SLC35D1: variants seen among roughly 807,000 people sequenced by gnomAD.
The protein encoded by SLC35D1 is solute carrier family 35 member D1.
SLC35D1 carries 31 observed loss-of-function variants against 46.7 expected under a neutral mutation model. The ratio of observed to expected loss-of-function variants is 0.66; its 90% CI spans 0.50 to 0.90. SLC35D1 has a LOEUF of 0.90. Among genes scored for constraint, SLC35D1 ranks in the 40% least tolerant of loss-of-function variants. The probability of loss-of-function intolerance (pLI) is 0.00; values close to 1 mark genes in which losing one functional copy is unlikely to be tolerated. For missense variants in SLC35D1, 397 were observed against 426.2 expected, an observed-to-expected ratio of 0.93 and a Z score of 0.60; for synonymous variants, 195 against 164.6, an observed-to-expected ratio of 1.18 and a Z score of -1.41.
downstream of SLC35D1, among the ~76,000 whole-genome samples, chr1:66,995,993 G>GA (rs1667235399): frequency 1.3e-5 from 2 of 152,156 alleles, no homozygotes; most frequent in Non-Finnish European, 2.9e-5. Flanking sequence ...ATATTCTTCA[G>GA]AAAGAAAGGG....
rs542736657 is a variant in SLC35D1, at chr1:67,032,935, C to T, written c.729+9301G>A. On this transcript the variant is annotated intron_variant, in intron 8 of 11. Transcript: ENST00000235345. ...CAGCCTCTGGTAAACCACCTACTTT[C>T]TATCTCCATCAGATCAATTGTTTTA... Among the ~76,000 whole-genome samples the T allele has an allele frequency of 6.6e-5, 10 of 152,306 alleles. No homozygotes were observed. In the East Asian group the frequency reaches 1.9e-3, roughly 29 times the overall value.
At chr1:66,991,204 A>G in the SLC35D1 span, among the ~76,000 whole-genome samples, 1 of 152,122 alleles carries the variant, frequency 6.6e-6, no homozygotes, top group Admixed American at 6.6e-5. Flanking sequence ...GATTTTTGAA[A>G]ACTTTTCTTT....
chr1:67,004,973 C>A (rs527711428), intron 11 of SLC35D1, among the ~76,000 whole-genome samples: 11 of 152,292 alleles, frequency 7.2e-5, no homozygotes, highest in African/African-American at 2.6e-4. Flanking sequence ...TCATCTGGGC[C>A]GTCAGCCTAT....
At position 67,021,050 on chromosome 1, in the gene SLC35D1, GA is replaced by G. The variant is rs371785429; in HGVS notation, c.797+484del. On this transcript the variant is annotated intron_variant, in intron 9 of 11. Coordinates refer to ENST00000235345, the MANE Select transcript of SLC35D1 (RefSeq NM_015139.3). The stretch of plus-strand genomic sequence containing the variant: ...ATAGCAACTAAACTGACTGGCTGAG[GA>G]AAAAAAACACATTAGAGAAATATGG... Among the ~76,000 whole-genome samples, 105 of 151,624 alleles carry G rather than the reference GA, an allele frequency of 6.9e-4. No individual in the cohort carries two copies. In the East Asian group the frequency reaches 0.012, roughly 18 times the overall value.
At chr1:67,015,350 TTTAATG>T (rs1316943294) in intron 10 of SLC35D1, among the ~76,000 whole-genome samples, 10 of 152,108 alleles carry the variant, frequency 6.6e-5, no homozygotes, top group African/African-American at 2.4e-4. Flanking sequence ...AAAAATTAAC[TTTAATG>T]TTAATAATAC....
chr1:66,984,236 C>T, the SLC35D1 span, among the ~76,000 whole-genome samples: 4 of 152,304 alleles, frequency 2.6e-5, no homozygotes, highest in African/African-American at 9.6e-5. Flanking sequence ...CTGCTGGATC[C>T]AGTGCTTGTT....
At chr1:67,047,129 C>A in intron 7 of SLC35D1, 136 bp downstream of exon 7, 2 of 680,760 alleles carry the variant, frequency 2.9e-6, no homozygotes, top group Non-Finnish European at 5.2e-6. Flanking sequence ...CACTAAAGTA[C>A]AGGAATTTTA....
At chr1:66,987,488 G>C in the SLC35D1 span, 322 of 152,722 alleles carry the variant, frequency 2.1e-3, 1 homozygote, top group Middle Eastern at 6.8e-3. Flanking sequence ...CTGCAATTCA[G>C]TTCAACACAA....
At chr1:67,036,057 T>C (rs1668117434) in intron 8 of SLC35D1, among the ~76,000 whole-genome samples, 1 of 152,188 alleles carries the variant, frequency 6.6e-6, no homozygotes, top group Non-Finnish European at 1.5e-5. Context: ...CTGGATATTA[T>C]TTCAATTTTT....
intron 7 of SLC35D1, among the ~76,000 whole-genome samples, chr1:67,042,842 T>C (rs954372967): frequency 2.0e-5 from 3 of 152,108 alleles, no homozygotes; most frequent in African/African-American, 4.8e-5. Flanking sequence ...GGCGGACAGA[T>C]TGCTTGAGCC....
chr1:67,015,943 T>C (rs954311617), intron 10 of SLC35D1, among the ~76,000 whole-genome samples: 1 of 152,144 alleles, frequency 6.6e-6, no homozygotes, highest in African/African-American at 2.4e-5. Context: ...ACCTTTGTTA[T>C]CTGACATATT....
Position 67,047,306 on chromosome 1 carries a change from C to G in SLC35D1, c.595G>C (p.Ala199Pro), listed in dbSNP as rs1645262761. ...TGTTTTACGTATGCACCATTTGCTG[C>G]TGTTAGGACATCGTTTATCAGAATA... Reference protein sequence around the residue: ...AFILINDVLTAANGAYVKQKL... With the variant: ...AFILINDVLTPANGAYVKQKL... The change falls in exon 7 of 12, where the codon GCA becomes CCA. Residue 199 changes from alanine (A) to proline (P), a missense_variant. Physicochemically the swap from Ala to Pro is conservative, Grantham distance 27. Coordinates refer to ENST00000235345, the MANE Select transcript of SLC35D1 (RefSeq NM_015139.3). 1 of 1,613,328 alleles carries G rather than the reference C, an allele frequency of 6.2e-7. No individual in the cohort carries two copies.
chr1:67,012,163 C>A (rs1461914134), intron 10 of SLC35D1, among the ~76,000 whole-genome samples: 1 of 152,174 alleles, frequency 6.6e-6, no homozygotes, highest in African/African-American at 2.4e-5. Flanking sequence ...AAAGTCTCAT[C>A]TACAAGGGCT....
intron 10 of SLC35D1, among the ~76,000 whole-genome samples, chr1:67,019,435 A>T (rs906314542): frequency 1.3e-5 from 2 of 152,196 alleles, no homozygotes; most frequent in African/African-American, 4.8e-5. Context: ...AATTCTATTC[A>T]CAGCAAACAG....
At chr1:66,989,250 C>T in the SLC35D1 span, among the ~76,000 whole-genome samples, 5,999 of 152,164 alleles carry the variant, frequency 0.039, 148 homozygotes, top group Non-Finnish European at 0.054. Context: ...GAAGAGAGGA[C>T]GCCTAATGCA....
the SLC35D1 span, among the ~76,000 whole-genome samples, chr1:66,982,187 C>T: frequency 6.6e-6 from 1 of 152,130 alleles, no homozygotes; most frequent in East Asian, 1.9e-4. Context: ...CATCTCTTTT[C>T]CTGTCTTGTC....
intron 10 of SLC35D1, among the ~76,000 whole-genome samples, chr1:67,014,495 T>C (rs1004217700): frequency 6.6e-6 from 1 of 152,040 alleles, no homozygotes; most frequent in Admixed American, 6.6e-5. Context: ...TATTTTTATA[T>C]ATACATGTCT....
At position 67,042,314 on chromosome 1, in the gene SLC35D1, A is replaced by C; in HGVS notation, c.651T>G (p.Tyr217Ter). 6.2e-7 allele frequency: 1 copy of C among 1,614,164 alleles called. No individual in the cohort carries two copies. Reference protein sequence around the residue: ...QKLDSKELGKYGLLYYNALFM... With the variant: ...QKLDSKELGK ...ACAGTGCATTGTAATAGAGCAGTCC[A>C]TATTTTCCCAGCTCCTAGGACAGTA... is the stretch of plus-strand genomic sequence containing the variant. Residue 217 changes from tyrosine (Y) to a stop codon, truncating the protein, a stop_gained, in exon 8 of 12, where the codon TAT becomes TAG. Transcript: ENST00000235345. LOFTEE classifies it high-confidence loss of function.
chr1:67,017,026 G>A (rs1312316330), intron 10 of SLC35D1, among the ~76,000 whole-genome samples: 1 of 152,120 alleles, frequency 6.6e-6, no homozygotes, highest in Non-Finnish European at 1.5e-5. Context: ...TTTGTTACAG[G>A]TATTAGAGTC....
Sources: allele counts gnomAD v4.1 joint callset (sites outside exome capture counted in the v4.1 genomes callset), GRCh38; gene constraint gnomAD v4.1.1; transcripts MANE v1.5; gene names NCBI Gene and HGNC (gene_info 2026-07-23, HGNC 2026-07-21).